The following NECTIN3 variants were observed in gnomAD, a reference collection of about 807,000 sequenced individuals.
NECTIN3 encodes the protein nectin-3.
A neutral mutation model predicts 49.4 loss-of-function variants in NECTIN3; 8 were observed. The observed-to-expected ratio is 0.16, with a 90% CI of 0.10 to 0.29. The LOEUF (loss-of-function observed/expected upper bound fraction) is 0.29. Among genes scored for constraint, NECTIN3 ranks in the 10% least tolerant of loss-of-function variants. NECTIN3 has a pLI of 1.00. For synonymous variants in NECTIN3, 277 were observed against 241.1 expected, an observed-to-expected ratio of 1.15 and a Z score of -1.38; for missense variants, 581 against 654.6, an observed-to-expected ratio of 0.89 and a Z score of 1.23.
chr3:111,177,174 AAAG>A (rs1366847416), intron 7 of NECTIN3, among the ~76,000 whole-genome samples: 5 of 152,200 alleles, frequency 3.3e-5, no homozygotes, highest in Admixed American at 6.5e-5. Context: ...AAGTTTTTAA[AAAG>A]AAGAACTGAG....
rs1171347111 is a variant in NECTIN3 at position 111,136,767 on chromosome 3, T to G, written c.*2552T>G. 1.1e-6 allele frequency: 1 copy of G among 929,742 alleles called. No homozygotes were observed. Among genetic ancestry groups the G allele is most frequent in the Non-Finnish European group, 1.3e-6 (1 of 779,730 alleles). 57.6% of individuals were successfully genotyped at this position (929,742 alleles called of 1,614,324 possible). A position where few individuals can be genotyped will look rare whatever the true frequency, so the allele number is the denominator to read the frequency against. ...TGTTTTAGCATTTTGTAAATTCACT[T>G]GAGAGTTTTCTTTCATACTGGTTAA... is the stretch of plus-strand genomic sequence containing the variant. On this transcript the variant is annotated 3_prime_UTR_variant, in exon 6 of 6. Coordinates refer to ENST00000485303, the MANE Select transcript of NECTIN3 (RefSeq NM_015480.3).
At chr3:111,077,555 T>C (rs1469703430) in intron 1 of NECTIN3, among the ~76,000 whole-genome samples, 1 of 152,048 alleles carries the variant, frequency 6.6e-6, no homozygotes, top group Non-Finnish European at 1.5e-5. Context: ...GGAATCTTTT[T>C]TGAAGCAATG....
chr3:111,090,825 G>C (rs1358625009), intron 1 of NECTIN3, among the ~76,000 whole-genome samples: 3 of 504 alleles, frequency 6.0e-3, no homozygotes, highest in African/African-American at 0.01. Context: ...TAAATAGGTT[G>C]GTGAAAAGTG....
At chr3:111,116,656 TACTC>T (rs1212659508) in intron 2 of NECTIN3, among the ~76,000 whole-genome samples, 1 of 152,090 alleles carries the variant, frequency 6.6e-6, no homozygotes, top group Non-Finnish European at 1.5e-5. Flanking sequence ...GTAGAACTTT[TACTC>T]ACCAGTAAGA....
At chr3:111,113,862 T>C (rs1367040115) in intron 2 of NECTIN3, among the ~76,000 whole-genome samples, 2 of 152,062 alleles carry the variant, frequency 1.3e-5, no homozygotes, top group African/African-American at 2.4e-5. Flanking sequence ...TGCATGCCTG[T>C]AATCCCAGCT....
Position 111,075,568 on chromosome 3 carries a change from ACCAGG to A in NECTIN3, c.160+3393_160+3397del, listed in dbSNP as rs2031129085. On this transcript the variant is annotated intron_variant, in intron 1 of 5. Transcript: ENST00000485303. ...TTATTATATTGCGCAGCATAAACTA[ACCAGG>A]CTGGTATTAGTGATTCTTAAATTCT... 2.0e-5 allele frequency among the ~76,000 whole-genome samples: 3 copies of A among 152,240 alleles called. No individual in the cohort carries two copies. In the South Asian group the frequency reaches 6.2e-4, roughly 32 times the overall value.
intron 7 of NECTIN3, among the ~76,000 whole-genome samples, chr3:111,157,916 T>C (rs2035130750): frequency 6.6e-6 from 1 of 152,076 alleles, no homozygotes; most frequent in South Asian, 2.1e-4. Context: ...GTTGATTAAT[T>C]AGCTAATGGG....
chr3:111,079,282 A>T (rs972301632), intron 1 of NECTIN3, among the ~76,000 whole-genome samples: 7 of 152,094 alleles, frequency 4.6e-5, no homozygotes, highest in African/African-American at 1.7e-4. Context: ...AGTACTCAGC[A>T]ATTATGGTGG....
In NECTIN3 at chr3:111,150,327, A is replaced by G. The variant is rs112814438; in HGVS notation, c.1221+2843A>G. Among the ~76,000 whole-genome samples the G allele has an allele frequency of 3.1e-3, 478 of 152,002 alleles. 1 individual carries two copies. The highest frequency in any genetic ancestry group is 0.011 in the African/African-American group (451 of 41,512). On this transcript the variant is annotated intron_variant, in intron 7 of 8. Transcript: ENST00000493615. Reference sequence around the variant, plus strand: ...ATTTTCTCTCCTGATACCTATTTTCACAGTAGTTATCTGTCAGATGATTTT... The same window carrying G: ...ATTTTCTCTCCTGATACCTATTTTCGCAGTAGTTATCTGTCAGATGATTTT...
At chr3:111,179,338 G>T (rs2035587291) in intron 7 of NECTIN3, among the ~76,000 whole-genome samples, 1 of 152,192 alleles carries the variant, frequency 6.6e-6, no homozygotes, top group South Asian at 2.1e-4. Context: ...AGTCCAGCTG[G>T]CACAGGTTTC....
chr3:111,130,757 A>G (rs2034356890), intron 5 of NECTIN3, among the ~76,000 whole-genome samples: 1 of 152,068 alleles, frequency 6.6e-6, no homozygotes, highest in African/African-American at 2.4e-5. Context: ...CAGTTATTAA[A>G]TTGTACTCTA....
At chr3:111,100,519 T>C (rs1047880373) in intron 1 of NECTIN3, among the ~76,000 whole-genome samples, 8 of 152,042 alleles carry the variant, frequency 5.3e-5, no homozygotes, top group African/African-American at 1.2e-4. Context: ...TCCCAAGATA[T>C]CTCATCATGT....
chr3:111,130,694 A>T lies in NECTIN3; in HGVS notation c.1070-2941A>T, dbSNP rs192083670. Among the ~76,000 whole-genome samples the T allele has an allele frequency of 9.2e-5, 14 of 152,246 alleles. No homozygotes were observed. In the East Asian group the frequency reaches 2.7e-3, roughly 29 times the overall value. On this transcript the variant is annotated intron_variant, in intron 5 of 5. Coordinates refer to ENST00000485303, the MANE Select transcript of NECTIN3 (RefSeq NM_015480.3). ...TGTTACACATTTTCCCACATTGATA[A>T]ATGTAAGATTTTGGATAACAGGTTT...
At chr3:111,157,662 A>T (rs924256269) in intron 7 of NECTIN3, among the ~76,000 whole-genome samples, 5 of 152,142 alleles carry the variant, frequency 3.3e-5, no homozygotes, top group Non-Finnish European at 7.4e-5. Flanking sequence ...GATACCTTGC[A>T]AAGTAATACT....
At chr3:111,183,863 TG>T (rs2035671972) in intron 7 of NECTIN3, among the ~76,000 whole-genome samples, 1 of 152,160 alleles carries the variant, frequency 6.6e-6, no homozygotes, top group Admixed American at 6.5e-5. Context: ...TTTACCATTT[TG>T]GGGGTTCACT....
chr3:111,076,131 A>T lies in NECTIN3; in HGVS notation c.160+3954A>T, dbSNP rs141556198. On this transcript the variant is annotated intron_variant, in intron 1 of 5. Transcript: ENST00000485303. ...TATATTTACCTTGTTTATGTCACTT[A>T]TACTTTCATCTATTTACAATTTAGT... 4.9e-4 allele frequency among the ~76,000 whole-genome samples: 75 copies of T among 152,238 alleles called. No individual in the cohort carries two copies. The East Asian group carries it at 0.014, about 29-fold the overall frequency.
At chr3:111,151,177 C>A (rs1156508198) in intron 7 of NECTIN3, among the ~76,000 whole-genome samples, 1 of 151,842 alleles carries the variant, frequency 6.6e-6, no homozygotes, top group African/African-American at 2.4e-5. Context: ...TGATATACAG[C>A]ATGCAGCGTG....
chr3:111,142,047 T>A (rs868694568), downstream of NECTIN3, among the ~76,000 whole-genome samples: 1 of 151,904 alleles, frequency 6.6e-6, no homozygotes, highest in Admixed American at 6.6e-5. Flanking sequence ...CTATTTGGGC[T>A]GAGATATGTG....
chr3:111,102,092 G>C (rs1372618979), intron 1 of NECTIN3, among the ~76,000 whole-genome samples: 1 of 151,976 alleles, frequency 6.6e-6, no homozygotes, highest in African/African-American at 2.4e-5. Context: ...TTCATTCTTG[G>C]TCCATCATAT....
Sources: allele counts gnomAD v4.1 joint callset (sites outside exome capture counted in the v4.1 genomes callset), GRCh38; gene constraint gnomAD v4.1.1; transcripts MANE v1.5; gene names NCBI Gene and HGNC (gene_info 2026-07-23, HGNC 2026-07-21).